The following ACTA2 variants were observed in gnomAD, a reference collection of about 807,000 sequenced individuals.
The protein encoded by ACTA2 is actin alpha 2, smooth muscle, also known as actin, aortic smooth muscle.
ACTA2 carries 12 observed loss-of-function variants against 39.5 expected under a neutral mutation model. The observed-to-expected ratio is 0.30, with a 90% CI of 0.19 to 0.49. The LOEUF (loss-of-function observed/expected upper bound fraction) is 0.49. Ranked by LOEUF, ACTA2 falls within the 20% of genes least tolerant of loss-of-function variation. The pLI is 0.99. For missense variants in ACTA2, 236 were observed against 498.8 expected, an observed-to-expected ratio of 0.47 and a Z score of 5.02; for synonymous variants, 158 against 180.6, an observed-to-expected ratio of 0.88 and a Z score of 1.00.
chr10:88,958,742 G>A (rs1024603540), intron 1 of ACTA2, among the ~76,000 whole-genome samples: 3 of 152,186 alleles, frequency 2.0e-5, no homozygotes, highest in Non-Finnish European at 4.4e-5. Context: ...CTCTCAAGCT[G>A]ACTAGACCCA....
At chr10:88,943,659 A>T (rs770477750) in intron 4 of ACTA2, 138 bp downstream of exon 4, 3 of 747,588 alleles carry the variant, frequency 4.0e-6, no homozygotes, top group Non-Finnish European at 7.1e-6. Flanking sequence ...GTCCTTTGGG[A>T]TCCCTGAGTT....
chr10:88,942,590 A>G (rs1423348200), intron 4 of ACTA2, among the ~76,000 whole-genome samples: 1 of 152,158 alleles, frequency 6.6e-6, no homozygotes. Context: ...CAGTCCAGGG[A>G]CAAGATTAGA....
chr10:88,943,037 AG>A (rs1341357098), intron 4 of ACTA2, among the ~76,000 whole-genome samples: 2 of 152,260 alleles, frequency 1.3e-5, no homozygotes, highest in African/African-American at 4.8e-5. Flanking sequence ...TCATTTATGT[AG>A]TCAATATAAT....
chr10:88,961,484 G>A (rs969584517), intron 1 of ACTA2, among the ~76,000 whole-genome samples: 1 of 152,180 alleles, frequency 6.6e-6, no homozygotes, highest in African/African-American at 2.4e-5. Flanking sequence ...TTCTTCATCA[G>A]TGTCAGCTGT....
At chr10:88,971,002 T>C (rs146080821) in intron 1 of ACTA2, among the ~76,000 whole-genome samples, 342 of 152,164 alleles carry the variant, frequency 2.2e-3, no homozygotes, top group African/African-American at 8.0e-3. Context: ...CCAAAGGCAA[T>C]AAATAAAATA....
intron 1 of ACTA2, among the ~76,000 whole-genome samples, chr10:88,966,147 G>A (rs957452465): frequency 1.3e-5 from 2 of 152,166 alleles, no homozygotes; most frequent in African/African-American, 4.8e-5. Flanking sequence ...ATTTAAACAA[G>A]AGCCACACAG....
chr10:88,980,552 GTTC>G (rs10562972), intron 1 of ACTA2, among the ~76,000 whole-genome samples: 16,148 of 152,106 alleles, frequency 0.11, 2,839 homozygotes, highest in African/African-American at 0.36. Context: ...GGCAAGGAAT[GTTC>G]TTATCCTGCC....
At chr10:88,969,285 T>C (rs1442320047) in intron 1 of ACTA2, among the ~76,000 whole-genome samples, 1 of 152,210 alleles carries the variant, frequency 6.6e-6, no homozygotes, top group Non-Finnish European at 1.5e-5. Flanking sequence ...AAAAGCTCTT[T>C]AGTGTCAATT....
chr10:88,949,854 A>C (rs1255638647), intron 1 of ACTA2, among the ~76,000 whole-genome samples: 1 of 152,036 alleles, frequency 6.6e-6, no homozygotes, highest in Non-Finnish European at 1.5e-5. Flanking sequence ...GGTGGGTTTT[A>C]TAGGTGTTTT....
chr10:88,960,567 G>A (rs144512428), intron 1 of ACTA2, among the ~76,000 whole-genome samples: 2,233 of 152,204 alleles, frequency 0.015, 30 homozygotes, highest in South Asian at 0.024. Flanking sequence ...GCGACCAAGA[G>A]GCATTCCCTA....
At chr10:88,935,457 G>T (rs1211937751) in intron 8 of ACTA2, 91 bp from the exon 9 acceptor site, 1 of 1,454,642 alleles carries the variant, frequency 6.9e-7, no homozygotes, top group Non-Finnish European at 9.6e-7. Context: ...TTCTACCATG[G>T]CCTAGTTTCT....
intron 3 of ACTA2, among the ~76,000 whole-genome samples, chr10:88,946,364 T>C (rs1845949023): frequency 6.7e-6 from 1 of 149,856 alleles, no homozygotes. Context: ...GATCCAGTGC[T>C]GAGATTACAG....
chr10:88,986,722 G>T (rs569558565), intron 1 of ACTA2, among the ~76,000 whole-genome samples: 2 of 152,118 alleles, frequency 1.3e-5, no homozygotes, highest in Admixed American at 6.5e-5. Flanking sequence ...CAGGAAGGAA[G>T]TGGTACAGGA....
intron 6 of ACTA2, 113 bp downstream of exon 6, chr10:88,941,116 C>A: frequency 7.5e-7 from 1 of 1,336,566 alleles, no homozygotes; most frequent in Non-Finnish European, 1.1e-6. Flanking sequence ...TAGAGCCAGG[C>A]CTTGCCATTT....
In ACTA2 at chr10:88,941,374, A is replaced by G. The variant is rs1589394162; in HGVS notation, c.471T>C (p.Ser157=). 2 of 1,613,996 alleles carry G rather than the reference A, an allele frequency of 1.2e-6. No individual in the cohort carries two copies. Among genetic ancestry groups the G allele is most frequent in the East Asian group, 2.2e-5 (1 of 44,850 alleles). ...SGRTTGIVLD[S]GDGVTHNVPI... is the part of the protein sequence containing the mutation. ...GGACATTGTGGGTGACACCATCTCC[A>G]GAGTCCAGCACGATGCCTGGGAGAC... The change falls in exon 6 of 9, where the codon TCT becomes TCC. Residue 157 remains serine (S), a synonymous_variant. Coordinates refer to ENST00000224784, the MANE Select transcript of ACTA2 (RefSeq NM_001613.4).
intron 8 of ACTA2, among the ~76,000 whole-genome samples, chr10:88,936,952 G>A (rs1387664447): frequency 6.6e-6 from 1 of 152,086 alleles, no homozygotes; most frequent in African/African-American, 2.4e-5. Flanking sequence ...CAAGTTTAGA[G>A]AACTAGGAAC....
chr10:88,964,317 A>C (rs1207448314), intron 1 of ACTA2, among the ~76,000 whole-genome samples: 1 of 152,200 alleles, frequency 6.6e-6, no homozygotes, highest in Non-Finnish European at 1.5e-5. Flanking sequence ...GGAATGAGCA[A>C]TTCTCAAAGA....
chr10:88,976,420 G>A (rs1477329887), intron 1 of ACTA2, among the ~76,000 whole-genome samples: 1 of 152,180 alleles, frequency 6.6e-6, no homozygotes, highest in Non-Finnish European at 1.5e-5. Flanking sequence ...AGGATTGATA[G>A]GCCAAGGAAA....
chr10:88,947,537 T>C, intron 2 of ACTA2, 151 bp from the exon 3 acceptor site: 1 of 1,208,260 alleles, frequency 8.3e-7, no homozygotes, highest in Non-Finnish European at 1.2e-6. Context: ...GCCACTATGC[T>C]CTTAAGCAAA....
Sources: allele counts gnomAD v4.1 joint callset (sites outside exome capture counted in the v4.1 genomes callset), GRCh38; gene constraint gnomAD v4.1.1; transcripts MANE v1.5; gene names NCBI Gene and HGNC (gene_info 2026-07-23, HGNC 2026-07-21).